The following WDR12 variants were observed in gnomAD, a reference collection of about 807,000 sequenced individuals.
WDR12 encodes ribosome biogenesis protein WDR12.
Under a neutral mutation model 64.3 loss-of-function variants are expected in WDR12, and 42 were observed. The ratio of observed to expected loss-of-function variants is 0.65; its 90% CI spans 0.51 to 0.84. The LOEUF is 0.84. Among genes scored for constraint, WDR12 ranks in the 40% least tolerant of loss-of-function variants. The probability of loss-of-function intolerance (pLI) is 0.00; values close to 1 mark genes in which losing one functional copy is unlikely to be tolerated. For synonymous variants in WDR12, 158 were observed against 173.3 expected, an observed-to-expected ratio of 0.91 and a Z score of 0.70; for missense variants, 469 against 494.6, an observed-to-expected ratio of 0.95 and a Z score of 0.49.
intron 2 of WDR12, among the ~76,000 whole-genome samples, chr2:202,902,531 T>A (rs956044165): frequency 2.0e-5 from 3 of 152,166 alleles, no homozygotes; most frequent in Non-Finnish European, 2.9e-5. Flanking sequence ...GGCAGAGGAA[T>A]GTGGAAGGAC....
In WDR12 at chr2:202,904,138, C is replaced by CAAAAAAAAAAAAAAAAAAAAAAAA. The variant is rs34378996; in HGVS notation, c.137-3043_137-3020dup. ...GGGCAACAAGAGTGAAACTCTGTCT[C>CAAAAAAAAAAAAAAAAAAAAAAAA]AAAAAAAAAAAAAAAAAAAAAAAAA... On this transcript the variant is annotated intron_variant, in intron 2 of 12. Coordinates refer to ENST00000261015, the MANE Select transcript of WDR12 (RefSeq NM_018256.4). 6.0e-4 allele frequency among the ~76,000 whole-genome samples: 23 copies of CAAAAAAAAAAAAAAAAAAAAAAAA among 38,538 alleles called. 1 individual carries two copies. Among genetic ancestry groups the CAAAAAAAAAAAAAAAAAAAAAAAA allele is most frequent in the East Asian group, 1.4e-3 (2 of 1,440 alleles). 25.3% of individuals were successfully genotyped at this position (38,538 alleles called of 152,430 possible).
At chr2:202,901,240 T>C (rs764059364) in intron 2 of WDR12, 121 bp from the exon 3 acceptor site, 2 of 535,912 alleles carry the variant, frequency 3.7e-6, no homozygotes, top group Non-Finnish European at 6.1e-6. Flanking sequence ...AGTTTCTCTG[T>C]GATTTTTAAG....
rs1559162541 is a variant in WDR12, at chr2:202,898,881, G to A, written c.338+650C>T. On this transcript the variant is annotated intron_variant, in intron 4 of 12. Transcript: ENST00000261015. ...AATCCCACCTATTCAGGAGGCTGAG[G>A]CAGGAGGACTGCTTGAGCCCAGGAG... 2.0e-5 allele frequency among the ~76,000 whole-genome samples: 3 copies of A among 150,792 alleles called. No homozygotes were observed. The East Asian group carries it at 5.8e-4, about 29-fold the overall frequency.
At position 202,892,699 on chromosome 2, in the gene WDR12, G is replaced by A. The variant is rs1688175429; in HGVS notation, c.659C>T (p.Pro220Leu). ...DKMLKIWSTVPTDEEDEMEES... is the reference protein window; with the variant it reads ...DKMLKIWSTVLTDEEDEMEES... ...CTCCATTTCATCTTCTTCATCTGTA[G>A]GGACTGTGTCATAGAGAATTAGATT... The change falls in exon 8 of 13, where the codon CCT (proline) becomes CTT (leucine). Residue 220 changes from proline (P) to leucine (L), a missense_variant. Physicochemically the swap from Pro to Leu is moderately conservative, Grantham distance 98 (BLOSUM62 -3). Transcript: ENST00000261015. 3 of 1,609,822 alleles carry A rather than the reference G, an allele frequency of 1.9e-6. No individual in the cohort carries two copies. Among genetic ancestry groups the A allele is most frequent in the Admixed American group, 1.7e-5 (1 of 59,920 alleles).
intron 8 of WDR12, among the ~76,000 whole-genome samples, chr2:202,887,593 A>G (rs1325188699): frequency 6.6e-6 from 1 of 152,198 alleles, no homozygotes; most frequent in Non-Finnish European, 1.5e-5. Context: ...TCTAGAATAG[A>G]AAATGACATG....
chr2:202,899,468 TAA>T, intron 4 of WDR12, 61 bp downstream of exon 4: 1 of 1,422,498 alleles, frequency 7.0e-7, no homozygotes, highest in Non-Finnish European at 9.8e-7. Flanking sequence ...TATATGGATT[TAA>T]AAAGACTGAA....
intron 2 of WDR12, among the ~76,000 whole-genome samples, chr2:202,902,460 C>G (rs1688366229): frequency 6.6e-6 from 1 of 152,176 alleles, no homozygotes; most frequent in Non-Finnish European, 1.5e-5. Flanking sequence ...AAGAGGCAGA[C>G]CTACCCTCTA....
At chr2:202,898,538 CAAG>C (rs1473502724) in intron 4 of WDR12, among the ~76,000 whole-genome samples, 5 of 152,166 alleles carry the variant, frequency 3.3e-5, no homozygotes, top group Non-Finnish European at 7.4e-5. Context: ...GTAATAACTC[CAAG>C]AAGGCATTCT....
chr2:202,899,781 A>G, intron 3 of WDR12, 144 bp from the exon 4 acceptor site: 1 of 658,400 alleles, frequency 1.5e-6, no homozygotes. Flanking sequence ...AGCCATTCAA[A>G]AAGTCAAGAA....
At chr2:202,895,517 C>CTTTTTTT (rs901435872) in intron 6 of WDR12, among the ~76,000 whole-genome samples, 7 of 111,490 alleles carry the variant, frequency 6.3e-5, no homozygotes, top group African/African-American at 9.8e-5. Flanking sequence ...TCATTTCTTT[C>CTTTTTTT]TTTTTTTTTT....
At chr2:202,897,752 G>C (rs1365875623) in intron 4 of WDR12, among the ~76,000 whole-genome samples, 1 of 149,344 alleles carries the variant, frequency 6.7e-6, no homozygotes, top group Non-Finnish European at 1.5e-5. Context: ...AGCCAGGCAT[G>C]GTGGCGGGTG....
intron 2 of WDR12, among the ~76,000 whole-genome samples, chr2:202,904,799 G>A (rs1259653018): frequency 1.3e-5 from 2 of 152,150 alleles, no homozygotes; most frequent in African/African-American, 4.8e-5. Context: ...CACAAGCACA[G>A]GCAATCAAAG....
chr2:202,890,544 T>C (rs980892166), intron 8 of WDR12, among the ~76,000 whole-genome samples: 2 of 150,262 alleles, frequency 1.3e-5, no homozygotes, highest in Non-Finnish European at 3.0e-5. Context: ...CCGAGGCGGG[T>C]GGATCACGAG....
At chr2:202,894,467 C>T (rs1688205493) in intron 7 of WDR12, 114 bp downstream of exon 7, 7 of 852,512 alleles carry the variant, frequency 8.2e-6, no homozygotes, top group Non-Finnish European at 1.2e-5. Context: ...AGTGATCCTT[C>T]TACCCTGGCT....
chr2:202,886,152 TAAA>T (rs573306527), intron 8 of WDR12, among the ~76,000 whole-genome samples: 4 of 131,922 alleles, frequency 3.0e-5, no homozygotes, highest in Non-Finnish European at 4.9e-5. Context: ...ATCTTGTCTC[TAAA>T]AAAAAAAAAA....
intron 1 of WDR12, among the ~76,000 whole-genome samples, chr2:202,908,452 C>G (rs1274553193): frequency 6.6e-6 from 1 of 152,024 alleles, no homozygotes; most frequent in African/African-American, 2.4e-5. Context: ...ACAGCAAGAC[C>G]CTGTCTCAAA....
rs137874153 is a variant in WDR12 at position 202,888,442 on chromosome 2, T to C, written c.742-3907A>G. 5.0e-3 allele frequency among the ~76,000 whole-genome samples: 761 copies of C among 152,320 alleles called. 7 individuals are homozygous for C. Among genetic ancestry groups the C allele is most frequent in the African/African-American group, 0.017 (723 of 41,572 alleles). On this transcript the variant is annotated intron_variant, in intron 8 of 12. Transcript: ENST00000261015. ...ATACACCAAAAAGTGAATTTTCCTC[T>C]AATAAAACTTTTCTTTAAAAGTAGA...
At chr2:202,894,529 A>T in intron 7 of WDR12, 52 bp downstream of exon 7, 1 of 1,511,374 alleles carries the variant, frequency 6.6e-7, no homozygotes, top group Admixed American at 2.0e-5. Context: ...CTCCGAATTT[A>T]AATTTTTGAA....
intron 1 of WDR12, 68 bp from the exon 2 acceptor site, chr2:202,908,027 TCAA>T: frequency 1.4e-6 from 2 of 1,388,368 alleles, no homozygotes. Context: ...TTTTACGAAT[TCAA>T]CATACATTTA....
Sources: allele counts gnomAD v4.1 joint callset (sites outside exome capture counted in the v4.1 genomes callset), GRCh38; gene constraint gnomAD v4.1.1; transcripts MANE v1.5; gene names NCBI Gene and HGNC (gene_info 2026-07-23, HGNC 2026-07-21).